PTPRN2: variants seen among roughly 807,000 people sequenced by gnomAD.
PTPRN2 encodes the protein receptor-type tyrosine-protein phosphatase N2.
In PTPRN2, 74 loss-of-function variants were observed where a neutral mutation model predicts 118.8. That is an observed-to-expected ratio of 0.62 (90% CI 0.52 to 0.76). The LOEUF is 0.76. Among genes scored for constraint, PTPRN2 ranks in the 30% least tolerant of loss-of-function variants. The pLI is 0.00. For synonymous variants in PTPRN2, 641 were observed against 608.0 expected (o/e 1.05, Z -0.80); for missense variants, 1,481 against 1,394.4 (o/e 1.06, Z -0.99).
chr7:158,568,248 CTAA>C (rs746617021), intron 1 of PTPRN2, among the ~76,000 whole-genome samples: 8 of 151,908 alleles, frequency 5.3e-5, no homozygotes, highest in Non-Finnish European at 1.2e-4. Flanking sequence ...GAGACTCTGT[CTAA>C]TAATAATAAT....
intron 3 of PTPRN2, among the ~76,000 whole-genome samples, chr7:158,314,799 G>A (rs1037694100): frequency 6.6e-6 from 1 of 152,288 alleles, no homozygotes; most frequent in African/African-American, 2.4e-5. Context: ...AAGCAGACAC[G>A]TGTAGCACTA....
intron 3 of PTPRN2, among the ~76,000 whole-genome samples, chr7:158,216,632 A>G (rs967408800): frequency 6.6e-6 from 1 of 152,218 alleles, no homozygotes; most frequent in Non-Finnish European, 1.5e-5. Flanking sequence ...TTACAGAGTT[A>G]TAAATAGGTC....
At chr7:157,744,386 C>T (rs1396577183) in intron 12 of PTPRN2, among the ~76,000 whole-genome samples, 2 of 152,142 alleles carry the variant, frequency 1.3e-5, no homozygotes, top group Non-Finnish European at 2.9e-5. Context: ...CCCGACCTGG[C>T]GCCCGTTCAA....
chr7:157,854,089 G>A (rs889956466), intron 12 of PTPRN2, among the ~76,000 whole-genome samples: 1 of 152,242 alleles, frequency 6.6e-6, no homozygotes, highest in Non-Finnish European at 1.5e-5. Flanking sequence ...ATGAATCTGC[G>A]GTTTGCGCCG....
At chr7:158,001,117 G>T (rs1458367479) in intron 11 of PTPRN2, among the ~76,000 whole-genome samples, 1 of 114,246 alleles carries the variant, frequency 8.8e-6, no homozygotes. Flanking sequence ...GCAGGGTGGG[G>T]GCTGGGGTTT....
intron 11 of PTPRN2, among the ~76,000 whole-genome samples, chr7:157,989,921 T>C (rs957420484): frequency 4.6e-5 from 7 of 151,820 alleles, no homozygotes; most frequent in African/African-American, 1.7e-4. Context: ...TGCGCTGACC[T>C]GCCTTCTCCC....
At chr7:158,508,623 G>GAGGGGGCCTC (rs1822951830) in intron 1 of PTPRN2, among the ~76,000 whole-genome samples, 1 of 150,288 alleles carries the variant, frequency 6.7e-6, no homozygotes, top group African/African-American at 2.5e-5. Context: ...GGGACGCTCG[G>GAGGGGGCCTC]AGCAGGTGCG....
intron 5 of PTPRN2, among the ~76,000 whole-genome samples, chr7:158,189,970 G>A (rs1039569886): frequency 2.0e-5 from 3 of 152,366 alleles, no homozygotes; most frequent in African/African-American, 7.2e-5. Flanking sequence ...CCGAGGCACA[G>A]GTGTGCGGAG....
chr7:158,558,214 G>A (rs1477811560), intron 1 of PTPRN2, among the ~76,000 whole-genome samples: 1 of 152,114 alleles, frequency 6.6e-6, no homozygotes, highest in African/African-American at 2.4e-5. Flanking sequence ...TTGAACTCCT[G>A]GCCTCAAGCA....
At chr7:157,826,125 T>C (rs994232067) in intron 12 of PTPRN2, among the ~76,000 whole-genome samples, 6 of 131,138 alleles carry the variant, frequency 4.6e-5, no homozygotes, top group African/African-American at 1.7e-4. Context: ...CGTGCTGTGC[T>C]GAGATGACAA....
rs906344423 is a variant in PTPRN2 at position 158,546,560 on chromosome 7, A to G, written c.112+40998T>C. Among the ~76,000 whole-genome samples the G allele has an allele frequency of 3.9e-5, 6 of 152,176 alleles. No homozygotes were observed. The highest frequency in any genetic ancestry group is 8.8e-5 in the Non-Finnish European group (6 of 68,018). On this transcript the variant is annotated intron_variant, in intron 1 of 22. Transcript: ENST00000389418. The surrounding 1 kb of genome is among the most constrained non-coding windows in gnomAD (Gnocchi z 5.0). ...TGATAATCCCTACCAGCAGCCAGGA[A>G]GCACCCTGGGAAGCCCATCGCCTGT...
chr7:157,648,728 G>C (rs1166975600), intron 14 of PTPRN2, among the ~76,000 whole-genome samples: 1 of 146,190 alleles, frequency 6.8e-6, no homozygotes, highest in African/African-American at 2.5e-5. Flanking sequence ...CACTGAACTC[G>C]GTGGGTCGGA....
chr7:158,259,021 G>A (rs566285516), intron 3 of PTPRN2, among the ~76,000 whole-genome samples: 3 of 152,222 alleles, frequency 2.0e-5, no homozygotes, highest in African/African-American at 4.8e-5. Context: ...GGAGCAGGAC[G>A]GGTTGAGGCA....
chr7:157,930,540 G>C (rs896797894), intron 11 of PTPRN2, among the ~76,000 whole-genome samples: 1 of 152,200 alleles, frequency 6.6e-6, no homozygotes, highest in Non-Finnish European at 1.5e-5. Context: ...ACACGTGACC[G>C]TCGTGAGCAC....
intron 11 of PTPRN2, among the ~76,000 whole-genome samples, chr7:157,939,352 C>T (rs1799909335): frequency 6.6e-6 from 1 of 152,248 alleles, no homozygotes; most frequent in Non-Finnish European, 1.5e-5. Context: ...GGCTGTCCTG[C>T]AGGACAGCAC....
chr7:158,524,504 AGTC>A lies in PTPRN2; in HGVS notation c.113-34722_113-34720del, dbSNP rs112404116. On this transcript the variant is annotated intron_variant, in intron 1 of 22. Transcript: ENST00000389418. ...TGGAGCGGAGTCTGCCCTGGAGTGG[AGTC>A]GTCTGCCCTGGAGTGGAGTCTGCCC... Among the ~76,000 whole-genome samples the A allele has an allele frequency of 3.3e-4, 38 of 115,334 alleles. No individual in the cohort carries two copies. In the East Asian group the frequency reaches 6.0e-3, roughly 18 times the overall value. 75.7% of individuals were successfully genotyped at this position (115,334 alleles called of 152,430 possible).
At chr7:157,815,807 C>A (rs1348457230) in intron 12 of PTPRN2, among the ~76,000 whole-genome samples, 1 of 152,208 alleles carries the variant, frequency 6.6e-6, no homozygotes, top group African/African-American at 2.4e-5. Context: ...CACATGCATG[C>A]CACAAAGCAG....
At chr7:158,316,505 T>C (rs921614) in intron 3 of PTPRN2, among the ~76,000 whole-genome samples, 53,094 of 152,102 alleles carry the variant, frequency 0.35, 9,456 homozygotes, top group Admixed American at 0.44. Context: ...ACGCCTGCAC[T>C]GGACCCAGCC....
At chr7:158,444,486 G>C (rs1817591266) in intron 2 of PTPRN2, among the ~76,000 whole-genome samples, 1 of 152,222 alleles carries the variant, frequency 6.6e-6, no homozygotes, top group Non-Finnish European at 1.5e-5. Flanking sequence ...TGCCCTCCCG[G>C]CTGGGGGCAG....
Sources: allele counts gnomAD v4.1 joint callset (sites outside exome capture counted in the v4.1 genomes callset), GRCh38; gene constraint gnomAD v4.1.1; non-coding constraint Gnocchi (gnomAD v3.1); transcripts MANE v1.5; gene names NCBI Gene and HGNC (gene_info 2026-07-23, HGNC 2026-07-21).